Variants in GPC5 observed in about 807,000 individuals in gnomAD.
GPC5 encodes the protein glypican 5.
A neutral mutation model predicts 53.9 loss-of-function variants in GPC5; 47 were observed. The observed-to-expected ratio is 0.87, with a 90% CI of 0.69 to 1.11. GPC5 has a LOEUF of 1.11. Ranked by LOEUF, GPC5 falls within the 50% of genes most tolerant of loss-of-function variation. The pLI, the probability that GPC5 is intolerant of heterozygous loss-of-function variation, is 0.00. For synonymous variants in GPC5, 286 were observed against 263.3 expected (o/e 1.09, Z -0.84); for missense variants, 748 against 713.1 (o/e 1.05, Z -0.56).
chr13:92,583,291 T>C (rs1199147298), intron 7 of GPC5, among the ~76,000 whole-genome samples: 1 of 152,220 alleles, frequency 6.6e-6, no homozygotes, highest in Non-Finnish European at 1.5e-5. Flanking sequence ...ATAAGATATA[T>C]TGATGTGTGT....
chr13:92,139,635 C>G (rs980860160), intron 6 of GPC5, among the ~76,000 whole-genome samples: 11 of 136,588 alleles, frequency 8.1e-5, no homozygotes, highest in African/African-American at 3.0e-4. Context: ...CCATTGCTTT[C>G]CAGCCTGGGT....
intron 7 of GPC5, among the ~76,000 whole-genome samples, chr13:92,660,667 T>G (rs972137356): frequency 6.6e-6 from 1 of 152,066 alleles, no homozygotes; most frequent in African/African-American, 2.4e-5. Flanking sequence ...AATTATTAAT[T>G]TAGGCTATTT....
chr13:92,600,591 A>G (rs1884017118), intron 7 of GPC5, among the ~76,000 whole-genome samples: 1 of 151,536 alleles, frequency 6.6e-6, no homozygotes, highest in African/African-American at 2.4e-5. Context: ...ACCGTCTCCC[A>G]GGTTCAAGTG....
chr13:92,112,337 T>A (rs1453563013), intron 6 of GPC5, among the ~76,000 whole-genome samples: 3 of 151,916 alleles, frequency 2.0e-5, no homozygotes, highest in Non-Finnish European at 4.4e-5. Context: ...GAAGATAATA[T>A]TAAAGAGATG....
chr13:91,567,973 G>T (rs1048428401), intron 2 of GPC5, among the ~76,000 whole-genome samples: 13 of 152,142 alleles, frequency 8.5e-5, no homozygotes, highest in African/African-American at 3.1e-4. Flanking sequence ...GTGACAGTGA[G>T]TGAGTTCTCA....
intron 5 of GPC5, among the ~76,000 whole-genome samples, chr13:91,866,924 T>C (rs1273899820): frequency 6.6e-6 from 1 of 152,198 alleles, no homozygotes; most frequent in Non-Finnish European, 1.5e-5. Context: ...AGTATCATCA[T>C]TGGCTGGATG....
intron 6 of GPC5, among the ~76,000 whole-genome samples, chr13:92,073,445 T>C (rs1291645825): frequency 1.3e-5 from 2 of 152,210 alleles, no homozygotes; most frequent in Non-Finnish European, 2.9e-5. Context: ...TAATCAAGCA[T>C]GGCTTTACTG....
At chr13:92,094,739 C>CT (rs34716042) in intron 6 of GPC5, among the ~76,000 whole-genome samples, 8,746 of 151,666 alleles carry the variant, frequency 0.058, 325 homozygotes, top group Non-Finnish European at 0.083. Context: ...CCTAATTTGT[C>CT]TTTTTTGTAT....
chr13:92,510,928 G>A lies in GPC5; in HGVS notation c.1562-355354G>A, dbSNP rs140646116. Reference sequence around the variant, plus strand: ...ACTCCTCTAGGAAATGGAATGAAGTGAGGGAGGATAAGATCAGGCTATGAT... The same window carrying A: ...ACTCCTCTAGGAAATGGAATGAAGTAAGGGAGGATAAGATCAGGCTATGAT... On this transcript the variant is annotated intron_variant, in intron 7 of 7. Coordinates refer to ENST00000377067, the MANE Select transcript of GPC5 (RefSeq NM_004466.6). Among the ~76,000 whole-genome samples, 305 of 152,334 alleles carry A rather than the reference G, an allele frequency of 2.0e-3. 1 individual carries two copies. The highest frequency in any genetic ancestry group is 6.9e-3 in the African/African-American group (287 of 41,584).
chr13:92,385,536 ATATG>A (rs1874625623), intron 7 of GPC5, among the ~76,000 whole-genome samples: 1 of 126,936 alleles, frequency 7.9e-6, no homozygotes, highest in Non-Finnish European at 1.6e-5. Flanking sequence ...ATATATACAT[ATATG>A]CATATATACA....
chr13:92,614,768 A>G (rs1476405699), intron 7 of GPC5, among the ~76,000 whole-genome samples: 1 of 152,198 alleles, frequency 6.6e-6, no homozygotes, highest in African/African-American at 2.4e-5. Flanking sequence ...GTAGGAGGAG[A>G]GACACTGAGA....
At chr13:91,975,737 GA>G (rs930728744) in intron 6 of GPC5, among the ~76,000 whole-genome samples, 18 of 152,162 alleles carry the variant, frequency 1.2e-4, no homozygotes, top group African/African-American at 4.3e-4. Flanking sequence ...TCTAGAACTA[GA>G]AATACCATTT....
intron 2 of GPC5, among the ~76,000 whole-genome samples, chr13:91,513,546 G>A (rs2139340533): frequency 6.6e-6 from 1 of 152,136 alleles, no homozygotes; most frequent in East Asian, 1.9e-4. Context: ...TTCAAGACTA[G>A]CCTGGCCAAC....
At chr13:92,755,009 C>A (rs1447028557) in intron 7 of GPC5, among the ~76,000 whole-genome samples, 2 of 152,142 alleles carry the variant, frequency 1.3e-5, no homozygotes, top group South Asian at 2.1e-4. Context: ...CTCTCCACCC[C>A]AAATCAACAG....
intron 6 of GPC5, among the ~76,000 whole-genome samples, chr13:92,048,086 C>T (rs372788578): frequency 9.2e-5 from 14 of 151,904 alleles, no homozygotes; most frequent in South Asian, 6.2e-4. Context: ...AAACCTTAGA[C>T]GATAGATAAC....
At chr13:92,795,714 C>T (rs937938825) in intron 7 of GPC5, among the ~76,000 whole-genome samples, 1 of 152,120 alleles carries the variant, frequency 6.6e-6, no homozygotes, top group African/African-American at 2.4e-5. Context: ...TATGAACAGA[C>T]ACTTCTCAAA....
intron 7 of GPC5, among the ~76,000 whole-genome samples, chr13:92,584,542 G>A (rs4383019): frequency 1.3e-5 from 2 of 151,972 alleles, no homozygotes; most frequent in Non-Finnish European, 2.9e-5. Context: ...AACATAAAAG[G>A]TCAGAAAATT....
intron 7 of GPC5, among the ~76,000 whole-genome samples, chr13:92,270,015 C>A (rs1165964538): frequency 6.6e-6 from 1 of 151,998 alleles, no homozygotes; most frequent in Non-Finnish European, 1.5e-5. Context: ...TTTTCTGATC[C>A]CAGCAAGCTC....
At chr13:91,740,887 C>A (rs1341992503) in intron 4 of GPC5, among the ~76,000 whole-genome samples, 1 of 152,128 alleles carries the variant, frequency 6.6e-6, no homozygotes, top group East Asian at 1.9e-4. Flanking sequence ...TGATAATTAG[C>A]TGTACATTAT....
Sources: allele counts gnomAD v4.1 joint callset (sites outside exome capture counted in the v4.1 genomes callset), GRCh38; gene constraint gnomAD v4.1.1; transcripts MANE v1.5; gene names NCBI Gene and HGNC (gene_info 2026-07-23, HGNC 2026-07-21).